VPS13A: variants seen among roughly 807,000 people sequenced by gnomAD.
VPS13A encodes the protein intermembrane lipid transfer protein VPS13A.
A neutral mutation model predicts 390.9 loss-of-function variants in VPS13A; 264 were observed. That is an observed-to-expected ratio of 0.68 (90% confidence interval 0.61 to 0.75). The LOEUF is 0.75. Ranked by LOEUF, VPS13A falls within the 30% of genes least tolerant of loss-of-function variation. The pLI is 0.00. For missense variants in VPS13A, 3,409 were observed against 3,733.9 expected (o/e 0.91, Z 2.27); for synonymous variants, 1,231 against 1,227.1 (o/e 1.00, Z -0.07).
chr9:77,230,402 G>C (rs1046194557), intron 17 of VPS13A, among the ~76,000 whole-genome samples: 1 of 151,626 alleles, frequency 6.6e-6, no homozygotes, highest in Admixed American at 6.6e-5. Flanking sequence ...GTTAATGTTA[G>C]TGTGTGGTGT....
intron 23 of VPS13A, among the ~76,000 whole-genome samples, chr9:77,261,660 C>G (rs766680005): frequency 3.3e-5 from 5 of 151,800 alleles, no homozygotes; most frequent in Non-Finnish European, 5.9e-5. Context: ...CCTTGGCTCA[C>G]TGCAACCTCC....
At chr9:77,349,237 T>C (rs1285886740) in intron 52 of VPS13A, among the ~76,000 whole-genome samples, 5 of 152,154 alleles carry the variant, frequency 3.3e-5, no homozygotes. Context: ...TCCTTCCTTA[T>C]GTATCTCTCA....
chr9:77,344,944 ATG>A, intron 51 of VPS13A, 63 bp from the exon 52 acceptor site: 1 of 1,545,646 alleles, frequency 6.5e-7, no homozygotes, highest in Admixed American at 1.7e-5. Context: ...CTGTTCTTAA[ATG>A]TTATTAGTTA....
intron 10 of VPS13A, 84 bp downstream of exon 10, chr9:77,214,470 G>C: frequency 9.0e-7 from 1 of 1,108,366 alleles, no homozygotes; most frequent in Non-Finnish European, 1.4e-6. Context: ...CACTGTGCTA[G>C]TTCCTGTTAA....
At chr9:77,324,138 C>T (rs1032840131) in intron 45 of VPS13A, among the ~76,000 whole-genome samples, 11 of 152,224 alleles carry the variant, frequency 7.2e-5, no homozygotes, top group African/African-American at 2.2e-4. Context: ...TTTAGAAATA[C>T]AGGTTATATT....
intron 1 of VPS13A, among the ~76,000 whole-genome samples, chr9:77,193,898 T>G (rs2131083597): frequency 6.6e-6 from 1 of 152,292 alleles, no homozygotes; most frequent in Non-Finnish European, 1.5e-5. Flanking sequence ...GATTTCTGGG[T>G]ACCAAGGCTC....
At chr9:77,205,833 G>T (rs894175209) in intron 4 of VPS13A, 145 bp from the exon 5 acceptor site, 1 of 542,098 alleles carries the variant, frequency 1.8e-6, no homozygotes, top group African/African-American at 1.9e-5. Flanking sequence ...CTCATGATTC[G>T]CCCAGCTTGG....
intron 1 of VPS13A, among the ~76,000 whole-genome samples, chr9:77,184,758 C>G (rs1824230842): frequency 6.6e-6 from 1 of 151,954 alleles, no homozygotes; most frequent in African/African-American, 2.4e-5. Context: ...TTGAACTAGC[C>G]TTGCATACCT....
intron 68 of VPS13A, chr9:77,384,881 G>A (rs1024875485): frequency 7.9e-5 from 112 of 1,416,656 alleles, no homozygotes; most frequent in Non-Finnish European, 1.0e-4. Context: ...AAAGTAGGGA[G>A]GGCATCCAAC....
chr9:77,403,611 C>T (rs1400523572), intron 69 of VPS13A, among the ~76,000 whole-genome samples: 5 of 152,202 alleles, frequency 3.3e-5, no homozygotes, highest in Non-Finnish European at 5.9e-5. Flanking sequence ...TAAGCTTTCT[C>T]CTCTCTGAAG....
In VPS13A at chr9:77,417,392, A is replaced by G. The variant is rs1005537884; in HGVS notation, c.*1386A>G. 2.0e-5 allele frequency: 3 copies of G among 152,188 alleles called. No individual in the cohort carries two copies. Among genetic ancestry groups the G allele is most frequent in the Non-Finnish European group, 2.9e-5 (2 of 68,034 alleles). The allele number at this position is 152,188 out of a possible 1,614,324, so 9.4% of individuals were successfully genotyped here. ...ATTGTATTTCTTGCTGACCAAATCT[A>G]CTAAATGCTATTGATTTCTCTCTGA... On this transcript the variant is annotated 3_prime_UTR_variant, in exon 72 of 72. Coordinates refer to ENST00000360280, the MANE Select transcript of VPS13A (RefSeq NM_033305.3).
intron 68 of VPS13A, chr9:77,384,784 ATT>A (rs956772599): frequency 1.7e-5 from 25 of 1,506,506 alleles, no homozygotes; most frequent in Non-Finnish European, 2.1e-5. Flanking sequence ...GGTAAAACAC[ATT>A]TTCTTTTAAA....
chr9:77,302,816 T>G (rs891505688), intron 33 of VPS13A, 99 bp from the exon 34 acceptor site: 26 of 1,257,712 alleles, frequency 2.1e-5, no homozygotes, highest in Non-Finnish European at 2.8e-5. Flanking sequence ...ATTATTGATT[T>G]CTGCTATTTG....
Position 77,220,286 on chromosome 9 carries a change from A to G in VPS13A, c.892A>G (p.Ile298Val), listed in dbSNP as rs1284264167. 1 of 1,611,216 alleles carries G rather than the reference A, an allele frequency of 6.2e-7. No homozygotes were observed. Among genetic ancestry groups the G allele is most frequent in the African/African-American group, 1.3e-5 (1 of 74,844 alleles). ...ATTTTCCATTCTTTAGTATTTCAGT[A>G]TTATGGAGCTTCTTGAATCAGTTGA... ...IEFNKPQYFSIMELLESVDMM... is the reference protein window; with the variant it reads ...IEFNKPQYFSVMELLESVDMM... Residue 298 changes from isoleucine to valine, a missense_variant, in exon 12 of 72, where the codon ATT becomes GTT. Physicochemically the swap from Ile to Val is conservative, Grantham distance 29. Around this residue, in one of 5 missense-constraint regions of VPS13A, gnomAD observed 2,717 missense variants for 2,917.4 expected, o/e 0.93. Coordinates refer to ENST00000360280, the MANE Select transcript of VPS13A (RefSeq NM_033305.3).
At chr9:77,338,699 T>A (rs1830659401) in intron 47 of VPS13A, 1 of 152,174 alleles carries the variant, frequency 6.6e-6, no homozygotes, top group South Asian at 2.1e-4. Flanking sequence ...TTAATTAATT[T>A]AAAATCATGA....
chr9:77,270,799 T>G (rs1826310062), intron 23 of VPS13A, among the ~76,000 whole-genome samples: 1 of 152,214 alleles, frequency 6.6e-6, no homozygotes, highest in Admixed American at 6.5e-5. Flanking sequence ...CATATGGTTC[T>G]GAAACAACCG....
chr9:77,382,382 T>A (rs1343198289), intron 68 of VPS13A: 1 of 1,471,136 alleles, frequency 6.8e-7, no homozygotes, highest in Non-Finnish European at 9.0e-7. Flanking sequence ...GCTGTTTCAG[T>A]ATTTTGAATA....
In VPS13A at chr9:77,316,278, A is replaced by G; in HGVS notation, c.4735A>G (p.Ile1579Val). ...MTKNDAPALV[I>V]TTQCEICYKG... The stretch of plus-strand genomic sequence containing the variant: ...AAAAAATGATGCTCCTGCTTTAGTC[A>G]TTACAACACAATGTGAAATTTGCTA... Residue 1579 changes from isoleucine (I) to valine (V), a missense_variant, in exon 39 of 72, where the codon ATT becomes GTT. Ile to Val is a conservative substitution (Grantham distance 29, BLOSUM62 3). Coordinates refer to ENST00000360280, the MANE Select transcript of VPS13A (RefSeq NM_033305.3). 1 of 1,613,368 alleles carries G rather than the reference A, an allele frequency of 6.2e-7. No homozygotes were observed. Among genetic ancestry groups the G allele is most frequent in the Non-Finnish European group, 8.5e-7 (1 of 1,179,454 alleles).
At chr9:77,407,005 C>T (rs763685238) in intron 70 of VPS13A, among the ~76,000 whole-genome samples, 3 of 152,142 alleles carry the variant, frequency 2.0e-5, no homozygotes, top group Non-Finnish European at 4.4e-5. Flanking sequence ...TCATCTAGGA[C>T]ACAACCTGAT....
Sources: gnomAD v4.1 joint callset for allele counts (sites outside exome capture counted in the v4.1 genomes callset) on GRCh38, gnomAD v4.1.1 for gene constraint, gnomAD v4.1.1 regional missense constraint, MANE v1.5 for transcripts, NCBI Gene and HGNC (gene_info 2026-07-23, HGNC 2026-07-21) for gene names.